C12orf42: variants seen among roughly 807,000 people sequenced by gnomAD.
C12orf42 encodes uncharacterized protein C12orf42.
In C12orf42, 25 loss-of-function variants were observed where a neutral mutation model predicts 21.6. That is an observed-to-expected ratio of 1.16 (90% CI 0.84 to 1.62). The LOEUF is 1.62. Ranked by LOEUF, C12orf42 falls within the 40% of genes most tolerant of loss-of-function variation. C12orf42 has a pLI of 0.00. For missense variants in C12orf42, 483 were observed against 459.3 expected (o/e 1.05, Z -0.47); for synonymous variants, 174 against 175.0 (o/e 0.99, Z 0.05).
At chr12:103,182,942 C>T in the C12orf42 span, among the ~76,000 whole-genome samples, 3 of 152,348 alleles carry the variant, frequency 2.0e-5, no homozygotes, top group African/African-American at 7.2e-5. Context: ...ATAACATATG[C>T]AGTTTCAAGT....
intron 2 of C12orf42, among the ~76,000 whole-genome samples, chr12:103,414,736 A>G (rs560132311): frequency 2.8e-3 from 419 of 152,318 alleles, no homozygotes; most frequent in Non-Finnish European, 4.9e-3. Context: ...ATTTTTATAC[A>G]TTAACTTTGC....
the C12orf42 span, among the ~76,000 whole-genome samples, chr12:103,118,688 C>G: frequency 1.4e-5 from 2 of 143,924 alleles, no homozygotes; most frequent in African/African-American, 2.6e-5. Flanking sequence ...GTCCCAGCTA[C>G]TCGGGAGGCT....
the C12orf42 span, chr12:103,156,023 C>A: frequency 1.3e-4 from 19 of 151,642 alleles, no homozygotes; most frequent in Admixed American, 1.3e-3. Flanking sequence ...TTATATTAAT[C>A]ATGAATAATT....
chr12:103,256,052 C>CAAA (rs1161719991), intron 10 of C12orf42, among the ~76,000 whole-genome samples: 5 of 17,532 alleles, frequency 2.9e-4, no homozygotes, highest in African/African-American at 6.1e-4. Context: ...GACTCTGTCT[C>CAAA]AAAAAAAAAA....
chr12:103,182,379 C>A, the C12orf42 span, among the ~76,000 whole-genome samples: 2 of 152,118 alleles, frequency 1.3e-5, no homozygotes, highest in African/African-American at 4.8e-5. Flanking sequence ...CATCCTAGCT[C>A]AGGGCAAAGC....
At chr12:103,552,541 A>C in the C12orf42 span, among the ~76,000 whole-genome samples, 4,865 of 152,288 alleles carry the variant, frequency 0.032, 270 homozygotes, top group African/African-American at 0.11. Context: ...GGAATGGTGA[A>C]AAGGAAATAT....
chr12:103,343,805 GA>G, intron 4 of C12orf42, among the ~76,000 whole-genome samples: 1 of 148,844 alleles, frequency 6.7e-6, no homozygotes, highest in South Asian at 2.1e-4. Flanking sequence ...AAGAAAAAAA[GA>G]AAACATTTCC....
chr12:103,194,847 G>GTAATTT, the C12orf42 span, among the ~76,000 whole-genome samples: 10 of 152,054 alleles, frequency 6.6e-5, no homozygotes, highest in Non-Finnish European at 1.0e-4. Context: ...TTGTTAGGTG[G>GTAATTT]GTAAATTGTG....
At chr12:103,326,818 A>G (rs987056856) in intron 4 of C12orf42, among the ~76,000 whole-genome samples, 2 of 152,166 alleles carry the variant, frequency 1.3e-5, no homozygotes, top group Non-Finnish European at 2.9e-5. Context: ...ACTTTTATTC[A>G]TAAGACTTAG....
At chr12:103,487,382 A>T (rs529407355) in intron 1 of C12orf42, among the ~76,000 whole-genome samples, 1 of 152,092 alleles carries the variant, frequency 6.6e-6, no homozygotes, top group Non-Finnish European at 1.5e-5. Flanking sequence ...CAATTATGTG[A>T]TCAATTTTAG....
At chr12:103,442,195 T>C (rs75628462) in intron 2 of C12orf42, among the ~76,000 whole-genome samples, 2,078 of 152,246 alleles carry the variant, frequency 0.014, 46 homozygotes, top group African/African-American at 0.047. Flanking sequence ...AAATCTGACA[T>C]ACATACATTT....
chr12:103,399,401 C>T (rs536417053), intron 3 of C12orf42, among the ~76,000 whole-genome samples: 2 of 151,554 alleles, frequency 1.3e-5, no homozygotes, highest in Non-Finnish European at 2.9e-5. Context: ...CAGAGTCTCA[C>T]TCTGTCGCCC....
the C12orf42 span, among the ~76,000 whole-genome samples, chr12:103,519,725 C>T: frequency 1.3e-5 from 2 of 152,070 alleles, no homozygotes; most frequent in Admixed American, 6.5e-5. Flanking sequence ...AGCCCCTCAC[C>T]CCTCCATCTA....
At chr12:103,165,504 C>G in the C12orf42 span, among the ~76,000 whole-genome samples, 1 of 152,180 alleles carries the variant, frequency 6.6e-6, no homozygotes, top group African/African-American at 2.4e-5. Context: ...AACAATAGGT[C>G]TGAAGGTGGC....
At chr12:103,134,493 A>AG in the C12orf42 span, among the ~76,000 whole-genome samples, 42 of 152,140 alleles carry the variant, frequency 2.8e-4, no homozygotes, top group Admixed American at 2.2e-3. Flanking sequence ...AATCTTCAAC[A>AG]ATAGTGTAGA....
At chr12:103,359,104 AT>A (rs2043847568) in intron 4 of C12orf42, among the ~76,000 whole-genome samples, 1 of 151,912 alleles carries the variant, frequency 6.6e-6, no homozygotes, top group South Asian at 2.1e-4. Flanking sequence ...CCAAATGTCA[AT>A]TCCTCAGAGT....
rs147278179 is a variant in C12orf42 at position 103,308,979 on chromosome 12, G to C, written c.260-2634C>G. On this transcript the variant is annotated intron_variant, in intron 4 of 5. Coordinates refer to ENST00000548883, the MANE Select transcript of C12orf42 (RefSeq NM_198521.5). ...AACAACCACCAAAAGCTAGGAAAAA[G>C]GCACTGAACAGCTTTCTCCTTCAGA... Among the ~76,000 whole-genome samples the C allele has an allele frequency of 8.5e-3, 1,296 of 152,272 alleles. 15 individuals carry two copies. The highest frequency in any genetic ancestry group is 8.0e-3 in the Non-Finnish European group (546 of 68,016).
rs75774135 is a variant in C12orf42 at position 103,480,114 on chromosome 12, A to G, written c.-21-1667T>C. Among the ~76,000 whole-genome samples, 131 of 152,040 alleles carry G rather than the reference A, an allele frequency of 8.6e-4. 1 individual carries two copies. The East Asian group carries it at 0.018, about 21-fold the overall frequency. The stretch of plus-strand genomic sequence containing the variant: ...TTTAAACTATTAATTCAATTTATTT[A>G]ATGATTATAGGGTTATTTATATTTT... On this transcript the variant is annotated intron_variant, in intron 1 of 5. Coordinates refer to ENST00000548883, the MANE Select transcript of C12orf42 (RefSeq NM_198521.5).
At chr12:103,431,798 A>G (rs1950287676) in intron 2 of C12orf42, among the ~76,000 whole-genome samples, 1 of 152,236 alleles carries the variant, frequency 6.6e-6, no homozygotes, top group African/African-American at 2.4e-5. Context: ...GCACCAAAGT[A>G]TGCTAGTGGC....
Sources: allele counts gnomAD v4.1 joint callset (sites outside exome capture counted in the v4.1 genomes callset), GRCh38; gene constraint gnomAD v4.1.1; transcripts MANE v1.5; gene names NCBI Gene and HGNC (gene_info 2026-07-23, HGNC 2026-07-21).